IQCJ: variants seen among roughly 807,000 people sequenced by gnomAD.
IQCJ encodes IQ domain-containing protein J.
A neutral mutation model predicts 11.0 loss-of-function variants in IQCJ; 9 were observed. That is an observed-to-expected ratio of 0.82 (90% CI 0.49 to 1.43). IQCJ has a LOEUF of 1.43. IQCJ is among the 40% of genes most tolerant of loss of function. IQCJ has a pLI of 0.00. For synonymous variants in IQCJ, 55 were observed against 51.3 expected (o/e 1.07, Z -0.31); for missense variants, 146 against 133.2 (o/e 1.10, Z -0.47).
At chr3:159,175,047 T>G (rs899755917) in intron 1 of IQCJ, among the ~76,000 whole-genome samples, 3 of 152,224 alleles carry the variant, frequency 2.0e-5, no homozygotes, top group Non-Finnish European at 2.9e-5. Flanking sequence ...TCATTGATAC[T>G]TGCATTGCTG....
At chr3:159,171,237 A>G (rs983100994) in intron 1 of IQCJ, among the ~76,000 whole-genome samples, 6 of 152,128 alleles carry the variant, frequency 3.9e-5, no homozygotes, top group African/African-American at 1.2e-4. Context: ...ATCTATATTT[A>G]TCTGTCCACA....
chr3:159,108,006 C>CAAAAAA (rs367862873), intron 1 of IQCJ, among the ~76,000 whole-genome samples: 1 of 100,934 alleles, frequency 9.9e-6, no homozygotes, highest in Non-Finnish European at 1.8e-5. Flanking sequence ...TATGGTTTTC[C>CAAAAAA]AAAAAAAAAA....
At chr3:159,181,495 C>T (rs952051123) in intron 1 of IQCJ, among the ~76,000 whole-genome samples, 10 of 150,350 alleles carry the variant, frequency 6.7e-5, no homozygotes, top group Admixed American at 3.9e-4. Flanking sequence ...CTGAACTGAA[C>T]TTTAGGCTCA....
At chr3:159,106,185 A>G (rs114417175) in intron 1 of IQCJ, among the ~76,000 whole-genome samples, 3 of 152,320 alleles carry the variant, frequency 2.0e-5, no homozygotes, top group South Asian at 4.1e-4. Flanking sequence ...AAGGCTTACA[A>G]TGGAGCAGGT....
intron 1 of IQCJ, among the ~76,000 whole-genome samples, chr3:159,233,698 G>A (rs907990193): frequency 6.6e-6 from 1 of 152,146 alleles, no homozygotes; most frequent in Non-Finnish European, 1.5e-5. Flanking sequence ...ACACAGGAAT[G>A]GAGCAGAGCT....
chr3:159,163,461 A>G (rs1435037852), intron 1 of IQCJ, among the ~76,000 whole-genome samples: 2 of 152,242 alleles, frequency 1.3e-5, no homozygotes, highest in East Asian at 1.9e-4. Flanking sequence ...ACCCACAGCC[A>G]GTATCATACT....
At chr3:159,124,507 GCTCAACTCTCAC>G (rs1026940253) in intron 1 of IQCJ, among the ~76,000 whole-genome samples, 10 of 152,014 alleles carry the variant, frequency 6.6e-5, no homozygotes, top group African/African-American at 1.9e-4. Flanking sequence ...TCAGCTGTCA[GCTCAACTCTCAC>G]CTCAACTCTC....
At chr3:159,107,137 T>G (rs988166267) in intron 1 of IQCJ, among the ~76,000 whole-genome samples, 1 of 152,186 alleles carries the variant, frequency 6.6e-6, no homozygotes, top group African/African-American at 2.4e-5. Flanking sequence ...TGGTTTAAAT[T>G]TTTGTGTCTC....
intron 1 of IQCJ, among the ~76,000 whole-genome samples, chr3:159,224,190 G>A (rs991980938): frequency 7.9e-5 from 12 of 152,176 alleles, no homozygotes; most frequent in African/African-American, 2.9e-4. Context: ...TGCGAGGGTT[G>A]TGTCAAAAGG....
In IQCJ at chr3:159,147,999, TCCTTGGG is replaced by T. The variant is rs1721009995; in HGVS notation, c.9+78561_9+78567del. Among the ~76,000 whole-genome samples the T allele has an allele frequency of 2.0e-5, 3 of 152,324 alleles. No individual in the cohort carries two copies. In the South Asian group the frequency reaches 6.2e-4, roughly 32 times the overall value. On this transcript the variant is annotated intron_variant, in intron 1 of 3. Coordinates refer to ENST00000397832, the MANE Select transcript of IQCJ (RefSeq NM_001042706.3). ...CCTAGGCATATGTGCAAAATGCAAA[TCCTTGGG>T]CCCCACCCCAGAACTGCTGAATCAG...
intron 1 of IQCJ, among the ~76,000 whole-genome samples, chr3:159,239,131 AC>A (rs1327621654): frequency 6.6e-6 from 1 of 152,172 alleles, no homozygotes; most frequent in Non-Finnish European, 1.5e-5. Flanking sequence ...GAGTAACATG[AC>A]TTGCTTATCC....
chr3:159,147,227 A>G (rs1184616652), intron 1 of IQCJ, among the ~76,000 whole-genome samples: 5 of 152,246 alleles, frequency 3.3e-5, no homozygotes, highest in African/African-American at 1.2e-4. Flanking sequence ...TGTTTAGTGC[A>G]AAGGGAAATG....
chr3:159,201,696 G>A (rs903197361), intron 1 of IQCJ, among the ~76,000 whole-genome samples: 5 of 140,724 alleles, frequency 3.6e-5, no homozygotes, highest in East Asian at 2.3e-4. Flanking sequence ...GTGCAGTGGC[G>A]GGATCTCGGC....
intron 1 of IQCJ, among the ~76,000 whole-genome samples, chr3:159,238,036 AG>A (rs1199682403): frequency 2.6e-5 from 4 of 152,182 alleles, no homozygotes; most frequent in Non-Finnish European, 5.9e-5. Context: ...ACAAGGAAGA[AG>A]GAAGCATCTG....
At chr3:159,160,923 G>A (rs1186102400) in intron 1 of IQCJ, among the ~76,000 whole-genome samples, 7 of 152,110 alleles carry the variant, frequency 4.6e-5, no homozygotes, top group African/African-American at 1.4e-4. Context: ...TCTTATTCCA[G>A]TCTATCATGG....
intron 1 of IQCJ, among the ~76,000 whole-genome samples, chr3:159,089,034 G>A (rs1269625949): frequency 6.6e-6 from 1 of 151,838 alleles, no homozygotes; most frequent in Non-Finnish European, 1.5e-5. Context: ...TCACATTTTG[G>A]CATGATTTTG....
rs1367728773 is a variant in IQCJ at position 159,086,640 on chromosome 3, G to A, written c.9+17199G>A. On this transcript the variant is annotated intron_variant, in intron 1 of 3. Coordinates refer to ENST00000397832, the MANE Select transcript of IQCJ (RefSeq NM_001042706.3). Reference sequence around the variant, plus strand: ...CTTGAAGAGGTCCTTCACATCCCTTGTAAGTTGGATTCCTAGGTATTTTAT... The same window carrying A: ...CTTGAAGAGGTCCTTCACATCCCTTATAAGTTGGATTCCTAGGTATTTTAT... Among the ~76,000 whole-genome samples the A allele has an allele frequency of 2.0e-5, 3 of 151,426 alleles. No individual in the cohort carries two copies. In the East Asian group the frequency reaches 5.8e-4, roughly 29 times the overall value.
intron 1 of IQCJ, among the ~76,000 whole-genome samples, chr3:159,218,375 GA>G (rs1725351449): frequency 6.7e-6 from 1 of 149,222 alleles, no homozygotes; most frequent in African/African-American, 2.5e-5. Flanking sequence ...GTGTGTATAA[GA>G]GAAAAAGAAA....
At chr3:159,244,915 G>T (rs929523892) in intron 1 of IQCJ, among the ~76,000 whole-genome samples, 1 of 152,144 alleles carries the variant, frequency 6.6e-6, no homozygotes, top group Admixed American at 6.5e-5. Context: ...TGTGGTAAAT[G>T]GTATGGTAGA....
Sources: gnomAD v4.1 joint callset for allele counts (sites outside exome capture counted in the v4.1 genomes callset) on GRCh38, gnomAD v4.1.1 for gene constraint, MANE v1.5 for transcripts, NCBI Gene and HGNC (gene_info 2026-07-23, HGNC 2026-07-21) for gene names.